The following NAV3 variants were observed in gnomAD, a reference collection of about 807,000 sequenced individuals.
NAV3 encodes pore membrane and/or filament interacting like protein 1.
NAV3 carries 87 observed loss-of-function variants against 244.7 expected under a neutral mutation model. The ratio of observed to expected loss-of-function variants is 0.36; its 90% confidence interval spans 0.30 to 0.42. The LOEUF is 0.42. Ranked by LOEUF, NAV3 falls within the 20% of genes least tolerant of loss-of-function variation. The pLI is 1.00. For missense variants in NAV3, 2,663 were observed against 2,893.3 expected (o/e 0.92, Z 1.83); for synonymous variants, 1,126 against 1,042.2 (o/e 1.08, Z -1.55).
intron 2 of NAV3, among the ~76,000 whole-genome samples, chr12:77,589,058 G>A (rs982481006): frequency 6.6e-6 from 1 of 152,128 alleles, no homozygotes; most frequent in South Asian, 2.1e-4. Context: ...CCAAAGCAAC[G>A]TGGACTCACA....
chr12:77,597,819 A>G (rs1041589465), intron 2 of NAV3, among the ~76,000 whole-genome samples: 21 of 152,150 alleles, frequency 1.4e-4, no homozygotes, highest in Admixed American at 7.2e-4. Context: ...AGAGGAAGTA[A>G]CATTTTACCT....
intron 6 of NAV3, among the ~76,000 whole-genome samples, chr12:77,995,228 C>T (rs1437926037): frequency 3.3e-5 from 5 of 152,124 alleles, no homozygotes; most frequent in Non-Finnish European, 7.4e-5. Context: ...TTGAGATGGG[C>T]ATGCATTAAT....
chr12:77,987,775 T>C (rs1413747321), intron 5 of NAV3, among the ~76,000 whole-genome samples: 1 of 152,182 alleles, frequency 6.6e-6, no homozygotes, highest in Non-Finnish European at 1.5e-5. Context: ...CATATCGAGA[T>C]ATTCAGAGAG....
intron 2 of NAV3, among the ~76,000 whole-genome samples, chr12:77,684,011 T>G (rs12320475): frequency 0.03 from 4,540 of 152,258 alleles, 220 homozygotes; most frequent in African/African-American, 0.1. Flanking sequence ...AAGAAACTGC[T>G]TAATGATTTT....
At chr12:77,669,517 T>C (rs982488377) in intron 2 of NAV3, among the ~76,000 whole-genome samples, 14 of 152,072 alleles carry the variant, frequency 9.2e-5, no homozygotes, top group African/African-American at 3.4e-4. Context: ...AGGTATTCCA[T>C]GCAAATGGAC....
intron 12 of NAV3, among the ~76,000 whole-genome samples, chr12:78,114,838 A>G (rs1955289210): frequency 1.3e-5 from 2 of 152,340 alleles, no homozygotes; most frequent in South Asian, 4.1e-4. Flanking sequence ...CTCTTATTAA[A>G]AATATAATTG....
chr12:77,626,797 T>A (rs576236905), intron 2 of NAV3, among the ~76,000 whole-genome samples: 1 of 152,188 alleles, frequency 6.6e-6, no homozygotes, highest in African/African-American at 2.4e-5. Context: ...TCATTAGGAC[T>A]TAAATGCTTA....
At chr12:77,903,585 C>G (rs1885577419) in intron 1 of NAV3, among the ~76,000 whole-genome samples, 1 of 152,160 alleles carries the variant, frequency 6.6e-6, no homozygotes, top group Non-Finnish European at 1.5e-5. Context: ...TAGGCATGGA[C>G]AAGGACTTCA....
chr12:77,756,871 C>A (rs1869208215), intron 2 of NAV3, among the ~76,000 whole-genome samples: 1 of 152,074 alleles, frequency 6.6e-6, no homozygotes, highest in African/African-American at 2.4e-5. Context: ...TATCTTTATG[C>A]TAAACAGATT....
intron 1 of NAV3, among the ~76,000 whole-genome samples, chr12:77,893,479 G>T (rs931278509): frequency 9.2e-5 from 14 of 151,790 alleles, no homozygotes; most frequent in African/African-American, 2.7e-4. Context: ...GAAATGCATA[G>T]AATATTTATA....
intron 2 of NAV3, among the ~76,000 whole-genome samples, chr12:77,702,200 G>T (rs775820980): frequency 1.3e-5 from 2 of 151,934 alleles, no homozygotes; most frequent in Non-Finnish European, 2.9e-5. Context: ...TCTATCATTA[G>T]TGCAAAAGGT....
chr12:77,960,450 T>TATAC (rs1195862670), intron 3 of NAV3, among the ~76,000 whole-genome samples: 2 of 144,354 alleles, frequency 1.4e-5, no homozygotes, highest in African/African-American at 5.1e-5. Context: ...TATATATATA[T>TATAC]ACACACACAC....
At chr12:77,814,660 C>T (rs1208158121) in intron 2 of NAV3, among the ~76,000 whole-genome samples, 5 of 152,090 alleles carry the variant, frequency 3.3e-5, no homozygotes, top group South Asian at 2.1e-4. Context: ...GGCCTACTTT[C>T]GTCCTTAATT....
intron 2 of NAV3, among the ~76,000 whole-genome samples, chr12:77,708,415 A>G (rs901214404): frequency 1.3e-5 from 2 of 152,102 alleles, no homozygotes; most frequent in Non-Finnish European, 2.9e-5. Context: ...CCATTGATCT[A>G]TATCTCTGTT....
chr12:77,751,491 C>G (rs551464129), intron 2 of NAV3, among the ~76,000 whole-genome samples: 8 of 152,226 alleles, frequency 5.3e-5, no homozygotes, highest in African/African-American at 1.7e-4. Context: ...AGTGAGTTCT[C>G]ACAATATCTG....
intron 7 of NAV3, among the ~76,000 whole-genome samples, chr12:77,999,238 T>C (rs775553065): frequency 1.3e-5 from 2 of 152,172 alleles, no homozygotes; most frequent in African/African-American, 2.4e-5. Flanking sequence ...ATAAGTAGTA[T>C]GGCTGTGTGA....
At chr12:77,956,256 T>C (rs1891348370) in intron 3 of NAV3, among the ~76,000 whole-genome samples, 2 of 152,178 alleles carry the variant, frequency 1.3e-5, no homozygotes, top group Non-Finnish European at 2.9e-5. Context: ...TTAATTTATG[T>C]AATGGCGCTA....
At chr12:77,697,388 G>A (rs1038438114) in intron 2 of NAV3, among the ~76,000 whole-genome samples, 9 of 152,160 alleles carry the variant, frequency 5.9e-5, no homozygotes, top group Admixed American at 5.9e-4. Flanking sequence ...GTTAGAGTAA[G>A]ACAGTCCTAG....
intron 5 of NAV3, among the ~76,000 whole-genome samples, chr12:77,979,719 A>G (rs558035930): frequency 6.6e-6 from 1 of 151,114 alleles, no homozygotes; most frequent in Non-Finnish European, 1.5e-5. Context: ...AAAGAAAAAA[A>G]AAAAAAAGCC....
Sources: allele counts gnomAD v4.1 joint callset (sites outside exome capture counted in the v4.1 genomes callset), GRCh38; gene constraint gnomAD v4.1.1; transcripts MANE v1.5; gene names NCBI Gene and HGNC (gene_info 2026-07-23, HGNC 2026-07-21).